The following CARD9 variants were observed in gnomAD, a reference collection of about 807,000 sequenced individuals.
CARD9 encodes the protein caspase recruitment domain family member 9.
In CARD9, 53 loss-of-function variants were observed where a neutral mutation model predicts 66.0. The observed-to-expected ratio is 0.80, with a 90% CI of 0.64 to 1.01. CARD9 has a LOEUF of 1.01. CARD9 is among the 50% of genes least tolerant of loss of function. The pLI is 0.00. For synonymous variants in CARD9, 387 were observed against 313.8 expected (o/e 1.23, Z -2.47); for missense variants, 769 against 743.2 (o/e 1.03, Z -0.40).
intron 1 of CARD9, 43 bp from the exon 2 acceptor site, chr9:136,372,137 C>T (rs1366341867): frequency 2.5e-6 from 4 of 1,602,276 alleles, no homozygotes; most frequent in South Asian, 1.1e-5. Context: ...CCGGCTCCTG[C>T]CCCCACCCGG....
chr9:136,370,979 C>T lies in CARD9; in HGVS notation c.489G>A (p.Arg163=), dbSNP rs749290461. Residue 163 remains arginine (R), a synonymous_variant, in exon 4 of 13, where the codon AGG becomes AGA. Transcript: ENST00000371732. ...TGCCGGCCTCGCACTCCTCCTTGAGCCTCTGCACACGCTCCTGGTGCTTGC... is the reference window on the plus strand; with the variant it reads ...TGCCGGCCTCGCACTCCTCCTTGAGTCTCTGCACACGCTCCTGGTGCTTGC... The part of the protein sequence containing the change: ...LLRKHQERVQ[R]LKEECEAGSR... 8.7e-6 allele frequency: 14 copies of T among 1,610,686 alleles called. No homozygotes were observed. The East Asian group carries it at 2.2e-4, about 26-fold the overall frequency.
rs1469882359 is a variant in CARD9, at chr9:136,364,491, G to A, written c.1503C>T (p.Asn501=). Residue 501 remains asparagine (N), a synonymous_variant, in exon 12 of 13, where the codon AAC becomes AAT. Coordinates refer to ENST00000371732, the MANE Select transcript of CARD9 (RefSeq NM_052813.5). ...GGGGGCCGCCCGCCTACCTGCGGTA[G>A]TTCTCAAAACTCTCTTTGAGGCGCC... is the stretch of plus-strand genomic sequence containing the variant. The part of the protein sequence containing the change: ...ERRRLKESFE[N]YRRKRALRKM... 1.3e-6 allele frequency: 2 copies of A among 1,540,082 alleles called. No individual in the cohort carries two copies. The highest frequency in any genetic ancestry group is 1.4e-5 in the African/African-American group (1 of 73,156).
At chr9:136,364,912 C>T (rs1164499733) in intron 11 of CARD9, 3 of 597,124 alleles carry the variant, frequency 5.0e-6, no homozygotes. Context: ...CAGGACCAGG[C>T]ACATCCACGT....
Position 136,367,218 on chromosome 9 carries a change from C to T in CARD9, c.1309G>A (p.Glu437Lys). ...GTGCTGGCTGGGGTCTCACTCACCT[C>T]CTGGGACCTCCTGGGTGAGCCATCT... ...LEDGSPRRSQ[E>K]LSLPQDLEDT... Residue 437 changes from glutamate to lysine, a missense_variant and splice_region_variant, in exon 9 of 13, where the codon GAG becomes AAG. Physicochemically the swap from Glu to Lys is moderately conservative, Grantham distance 56 (BLOSUM62 1). Transcript: ENST00000371732. 6.2e-7 allele frequency: 1 copy of T among 1,612,522 alleles called. No individual in the cohort carries two copies.
rs758942787 is a variant in CARD9, at chr9:136,363,991, G to A, written c.*311C>T. ...CCGTGCTGTTTATTTACGCAGCTGT[G>A]TTTTCTAACACTAATACAATGCATG... On this transcript the variant is annotated 3_prime_UTR_variant, in exon 13 of 13. Coordinates refer to ENST00000371732, the MANE Select transcript of CARD9 (RefSeq NM_052813.5). The A allele has an allele frequency of 1.6e-6, 2 of 1,247,338 alleles. No homozygotes were observed. The highest frequency in any genetic ancestry group is 1.3e-5 in the South Asian group (1 of 77,728). 77.3% of individuals were successfully genotyped at this position (1,247,338 alleles called of 1,614,324 possible). A position where few individuals can be genotyped will look rare whatever the true frequency, so the allele number is the denominator to read the frequency against.
In CARD9 at chr9:136,370,693, C is replaced by T. The variant is rs759411705; in HGVS notation, c.636G>A (p.Gln212=). Reference sequence around the variant, plus strand: ...CGGCCTTCATGAGGCTGTGCTTGAGCTGGTCAATCTGCAGAAGGTCCAGTG... The same window carrying T: ...CGGCCTTCATGAGGCTGTGCTTGAGTTGGTCAATCTGCAGAAGGTCCAGTG... ...RNRDLQLEID[Q]LKHSLMKAED... The change falls in exon 5 of 13, where the codon CAG becomes CAA. Residue 212 remains glutamine, a synonymous_variant. Transcript: ENST00000371732. 2.9e-5 allele frequency: 47 copies of T among 1,612,622 alleles called. No individual in the cohort carries two copies. The highest frequency in any genetic ancestry group is 3.6e-5 in the Non-Finnish European group (42 of 1,179,884).
At chr9:136,364,832 C>T (rs888901256) in intron 11 of CARD9, 4 of 597,158 alleles carry the variant, frequency 6.7e-6, no homozygotes, top group Non-Finnish European at 8.9e-6. Flanking sequence ...TACAACAAAG[C>T]CCGAGGTGGT....
intron 9 of CARD9, 88 bp from the exon 10 acceptor site, chr9:136,366,933 G>T: frequency 6.8e-7 from 1 of 1,461,280 alleles, no homozygotes. Context: ...TTGGCCCTCA[G>T]CTGGGTGCAG....
At chr9:136,373,038 C>A (rs1403258531) in intron 1 of CARD9, among the ~76,000 whole-genome samples, 1 of 152,238 alleles carries the variant, frequency 6.6e-6, no homozygotes, top group African/African-American at 2.4e-5. Context: ...CTGAAAGCCA[C>A]TCCCTCTGAG....
intron 1 of CARD9, 71 bp downstream of exon 1, chr9:136,373,461 G>T (rs572493624): frequency 3.9e-5 from 38 of 979,348 alleles, no homozygotes; most frequent in Non-Finnish European, 6.1e-6. Context: ...TGGGGGATCA[G>T]TGCCAGGATC....
Position 136,370,389 on chromosome 9 carries a change from C to A in CARD9, c.856G>T (p.Asp286Tyr). Residue 286 changes from aspartate to tyrosine, a missense_variant, in exon 6 of 13, where the codon GAC becomes TAC. Asp to Tyr is a radical substitution (Grantham distance 160). Coordinates refer to ENST00000371732, the MANE Select transcript of CARD9 (RefSeq NM_052813.5). ...TGGTCCCGCAGCGCCTGCCGCCAGT[C>A]CTCCTCCAGTACCTGGATGTAGGGG... ...SSPYIQVLEE[D>Y]WRQALRDHQE... 1 of 1,611,202 alleles carries A rather than the reference C, an allele frequency of 6.2e-7. No individual in the cohort carries two copies. The highest frequency in any genetic ancestry group is 1.3e-5 in the African/African-American group (1 of 75,014).
intron 7 of CARD9, 93 bp from the exon 8 acceptor site, chr9:136,367,921 G>C (rs1345452138): frequency 6.8e-7 from 1 of 1,473,032 alleles, no homozygotes; most frequent in Non-Finnish European, 9.0e-7. Context: ...AGAGGCTCCG[G>C]AGGACGTCAA....
chr9:136,366,391 G>A (rs1833124388), intron 10 of CARD9: 3 of 232,566 alleles, frequency 1.3e-5, no homozygotes, highest in South Asian at 1.3e-4. Flanking sequence ...TCATGCACCT[G>A]GTCGTTCGCT....
Position 136,364,045 on chromosome 9 carries a change from G to A in CARD9, c.*257C>T. The A allele has an allele frequency of 1.3e-6, 2 of 1,517,502 alleles. No individual in the cohort carries two copies. Among genetic ancestry groups the A allele is most frequent in the South Asian group, 1.2e-5 (1 of 83,362 alleles). 94.0% of individuals were successfully genotyped at this position (1,517,502 alleles called of 1,614,324 possible). A position where few individuals can be genotyped will look rare whatever the true frequency, so the allele number is the denominator to read the frequency against. ...GTATTGTGTGTTACATGGTGAAACA[G>A]AACAGATCCTGAAGTTACACAGATG... is the stretch of plus-strand genomic sequence containing the variant. On this transcript the variant is annotated 3_prime_UTR_variant, in exon 13 of 13. Transcript: ENST00000371732.
chr9:136,373,479 A>G (rs944350706), intron 1 of CARD9, 53 bp downstream of exon 1: 12 of 985,014 alleles, frequency 1.2e-5, no homozygotes, highest in Non-Finnish European at 1.4e-5. Flanking sequence ...ATCCTGAACT[A>G]GGCCAACGCC....
Position 136,364,161 on chromosome 9 carries a change from G to C in CARD9, c.*141C>G. The C allele has an allele frequency of 6.4e-7, 1 of 1,550,534 alleles. No individual in the cohort carries two copies. Among genetic ancestry groups the C allele is most frequent in the Non-Finnish European group, 8.7e-7 (1 of 1,146,854 alleles). On this transcript the variant is annotated 3_prime_UTR_variant, in exon 13 of 13. Coordinates refer to ENST00000371732, the MANE Select transcript of CARD9 (RefSeq NM_052813.5). Reference sequence around the variant, plus strand: ...CCCCAATGCCCGGCAGTCCGGCTGGGCCTTTCAGGGCACCAGATTCCTCGT... The same window carrying C: ...CCCCAATGCCCGGCAGTCCGGCTGGCCCTTTCAGGGCACCAGATTCCTCGT...
At chr9:136,371,233 C>G in intron 3 of CARD9, 88 bp from the exon 4 acceptor site, 1 of 1,584,392 alleles carries the variant, frequency 6.3e-7, no homozygotes, top group Non-Finnish European at 8.6e-7. Context: ...GCTCAGGGCT[C>G]CTAGGGATGG....
In CARD9 at chr9:136,373,591, C is replaced by G; in HGVS notation, c.-76G>C. ...CACACCAGGAGCCTGGGCCGCGGAGCCTCTGGGAGATGCTGCCCGGGGCTG... is the reference window on the plus strand; with the variant it reads ...CACACCAGGAGCCTGGGCCGCGGAGGCTCTGGGAGATGCTGCCCGGGGCTG... On this transcript the variant is annotated 5_prime_UTR_variant, in exon 1 of 13. Transcript: ENST00000371732. The G allele has an allele frequency of 1.0e-6, 1 of 984,906 alleles. No individual in the cohort carries two copies. Among genetic ancestry groups the G allele is most frequent in the Non-Finnish European group, 1.2e-6 (1 of 830,204 alleles). The allele number at this position is 984,906 out of a possible 1,614,324, so 61.0% of individuals were successfully genotyped here. A position where few individuals can be genotyped will look rare whatever the true frequency, so the allele number is the denominator to read the frequency against.
Position 136,370,522 on chromosome 9 carries a change from C to T in CARD9, c.807G>A (p.Gln269=). The T allele has an allele frequency of 6.2e-7, 1 of 1,600,126 alleles. No individual in the cohort carries two copies. Among genetic ancestry groups the T allele is most frequent in the South Asian group, 1.1e-5 (1 of 89,632 alleles). ...GCACCTGCCCTGCCTACGGCCCCAC[C>T]TGGACGGAGGCCTCCAGCTCCTGCA... is the stretch of plus-strand genomic sequence containing the variant. ...ARVQELEASV[Q]EGKLDRSSPY... is the part of the protein sequence containing the mutation. Residue 269 remains glutamine, a splice_region_variant and synonymous_variant, in exon 5 of 13, where the codon CAG becomes CAA. Coordinates refer to ENST00000371732, the MANE Select transcript of CARD9 (RefSeq NM_052813.5).
Sources: gnomAD v4.1 joint callset for allele counts (sites outside exome capture counted in the v4.1 genomes callset) on GRCh38, gnomAD v4.1.1 for gene constraint, MANE v1.5 for transcripts, NCBI Gene and HGNC (gene_info 2026-07-23, HGNC 2026-07-21) for gene names.